The following ATAD3A variants were observed in gnomAD, a reference collection of about 807,000 sequenced individuals.
The protein encoded by ATAD3A is ATPase family AAA domain-containing protein 3A.
Under a neutral mutation model 73.8 loss-of-function variants are expected in ATAD3A, and 46 were observed. The ratio of observed to expected loss-of-function variants is 0.62; its 90% CI spans 0.49 to 0.80. The LOEUF is 0.80. ATAD3A is among the 30% of genes least tolerant of loss of function. ATAD3A has a pLI of 0.00. For missense variants in ATAD3A, 705 were observed against 838.0 expected (o/e 0.84, Z 1.96); for synonymous variants, 319 against 350.0 (o/e 0.91, Z 0.99).
In ATAD3A at chr1:1,517,199, A is replaced by G. The variant is rs1252254238; in HGVS notation, c.283-112A>G. 5 of 1,546,510 alleles carry G rather than the reference A, an allele frequency of 3.2e-6. 1 individual carries two copies. Among genetic ancestry groups the G allele is most frequent in the East Asian group, 2.5e-5 (1 of 39,766 alleles). ...TGGAAGCCCTGAGCCTGCTGCACACACTAGTCTGGGCATGGAGTCTCTGCC... is the reference window on the plus strand; with the variant it reads ...TGGAAGCCCTGAGCCTGCTGCACACGCTAGTCTGGGCATGGAGTCTCTGCC... On this transcript the variant is annotated intron_variant, in intron 2 of 15. Transcript: ENST00000378756.
At chr1:1,517,002 G>A (rs1254206489) in intron 2 of ATAD3A, 17 of 1,331,300 alleles carry the variant, frequency 1.3e-5, no homozygotes, top group Middle Eastern at 2.7e-4. Flanking sequence ...GAGAGCCGTC[G>A]CACCCGGTCC....
intron 12 of ATAD3A, 98 bp from the exon 13 acceptor site, chr1:1,526,363 C>G (rs1454722322): frequency 1.3e-5 from 20 of 1,566,178 alleles, no homozygotes; most frequent in Admixed American, 1.9e-5. Context: ...GTCGCCATGT[C>G]CCTGCTCCCT....
chr1:1,523,820 C>T lies in ATAD3A; in HGVS notation c.964-19C>T, dbSNP rs578171897. 2.5e-6 allele frequency: 4 copies of T among 1,613,790 alleles called. No homozygotes were observed. Among genetic ancestry groups the T allele is most frequent in the Admixed American group, 1.7e-5 (1 of 60,022 alleles). On this transcript the variant is annotated intron_variant, in intron 9 of 15. Transcript: ENST00000378756. This position sits in a 1 kb window ranked among gnomAD's most constrained non-coding sequence, Gnocchi z 5.1. ...ATGGGTGCACAGTGTCTCCTCCAAA[C>T]CCCCGTCTTCCCCGGCAGCCCAGCC...
At chr1:1,514,905 C>T (rs1166838091) in intron 1 of ATAD3A, among the ~76,000 whole-genome samples, 4 of 152,106 alleles carry the variant, frequency 2.6e-5, no homozygotes, top group Non-Finnish European at 4.4e-5. Flanking sequence ...ATGGAGTTGC[C>T]GTCCGTCGCC....
At chr1:1,518,614 C>T (rs1244861808) in intron 4 of ATAD3A, among the ~76,000 whole-genome samples, 18 of 105,332 alleles carry the variant, frequency 1.7e-4, no homozygotes, top group African/African-American at 1.0e-3. Flanking sequence ...CACACACGGG[C>T]GTACACACCC....
Position 1,523,861 on chromosome 1 carries a change from G to A in ATAD3A, c.986G>A (p.Arg329His), listed in dbSNP as rs1641699576. The stretch of plus-strand genomic sequence containing the variant: ...CAGCCCAGCCTGGAAGCACGGGTGC[G>A]CGACATCGCCATAGCAACAAGGAAC... Reference protein sequence around the residue: ...VLSPSLEARVRDIAIATRNTK... With the variant: ...VLSPSLEARVHDIAIATRNTK... Residue 329 changes from arginine to histidine, a missense_variant, in exon 10 of 16, where the codon CGC (arginine) becomes CAC (histidine). By Grantham distance (29) the Arg-to-His change is conservative (BLOSUM62 0). Transcript: ENST00000378756. This position sits in a 1 kb window ranked among gnomAD's most constrained non-coding sequence, Gnocchi z 5.1. 3.7e-6 allele frequency: 6 copies of A among 1,613,892 alleles called. No homozygotes were observed. The highest frequency in any genetic ancestry group is 1.3e-5 in the African/African-American group (1 of 74,926).
intron 13 of ATAD3A, chr1:1,527,264 C>A (rs1316068076): frequency 1.6e-6 from 2 of 1,266,598 alleles, no homozygotes; most frequent in Non-Finnish European, 1.0e-6. Context: ...TGGATGCTCC[C>A]TGGAGCCCTG....
At chr1:1,524,235 G>A in intron 10 of ATAD3A, 38 bp from the exon 11 acceptor site, 5 of 1,613,736 alleles carry the variant, frequency 3.1e-6, no homozygotes, top group Non-Finnish European at 3.4e-6. Flanking sequence ...GAGGCGGAGG[G>A]AACATCTGCT....
At position 1,523,737 on chromosome 1, in the gene ATAD3A, T is replaced by C; in HGVS notation, c.964-102T>C. On this transcript the variant is annotated intron_variant, in intron 9 of 15. Coordinates refer to ENST00000378756, the MANE Select transcript of ATAD3A (RefSeq NM_001170535.3). This position sits in a 1 kb window ranked among gnomAD's most constrained non-coding sequence, Gnocchi z 5.1. ...TAGGCTGCCCCTGAGGTGGGAGGCT[T>C]CCCGAGGAGCCGAGTCTGCACCCAG... The C allele has an allele frequency of 6.3e-7, 1 of 1,591,498 alleles. No individual in the cohort carries two copies.
At chr1:1,526,427 C>T (rs977477536) in intron 12 of ATAD3A, 34 bp from the exon 13 acceptor site, 8 of 1,585,190 alleles carry the variant, frequency 5.0e-6, no homozygotes, top group African/African-American at 1.3e-5. Context: ...AGGCTTTGCT[C>T]CTGGTGCCTA....
intron 7 of ATAD3A, among the ~76,000 whole-genome samples, chr1:1,521,944 G>A (rs1641614821): frequency 6.6e-6 from 1 of 152,310 alleles, no homozygotes; most frequent in Admixed American, 6.5e-5. Flanking sequence ...GGCCAGGCTG[G>A]TCACGAACTT....
At chr1:1,514,583 A>T (rs1244431258) in intron 1 of ATAD3A, among the ~76,000 whole-genome samples, 3 of 152,142 alleles carry the variant, frequency 2.0e-5, no homozygotes, top group Non-Finnish European at 1.5e-5. Flanking sequence ...GTTCGTGCCT[A>T]ACCACAGGCC....
chr1:1,527,328 A>G, intron 13 of ATAD3A: 1 of 1,107,888 alleles, frequency 9.0e-7, no homozygotes, highest in Non-Finnish European at 1.2e-6. Flanking sequence ...CCTCCAGTGA[A>G]CCCGGGCCCC....
Position 1,524,269 on chromosome 1 carries a change from C to G in ATAD3A, c.1090-4C>G, listed in dbSNP as rs1450957216. 2 of 1,613,844 alleles carry G rather than the reference C, an allele frequency of 1.2e-6. No homozygotes were observed. Among genetic ancestry groups the G allele is most frequent in the East Asian group, 2.2e-5 (1 of 44,896 alleles). ...CTCTGTCTCCCCTCACTCTTCCTGTCCAGAAACTCGCCCTGCACTCAGGCA... is the reference window on the plus strand; with the variant it reads ...CTCTGTCTCCCCTCACTCTTCCTGTGCAGAAACTCGCCCTGCACTCAGGCA... On this transcript the variant is annotated splice_polypyrimidine_tract_variant and splice_region_variant and intron_variant, in intron 10 of 15. Transcript: ENST00000378756.
rs1641689461 is a variant in ATAD3A, at chr1:1,523,633, G to T, written c.963+66G>T. 6.2e-7 allele frequency: 1 copy of T among 1,607,382 alleles called. No individual in the cohort carries two copies. The highest frequency in any genetic ancestry group is 1.3e-5 in the African/African-American group (1 of 74,720). ...GACCCTGGAGCTGGGCCGGGCTGTG[G>T]CCCTTGCTGGCGCTCGTGGTGGCAC... On this transcript the variant is annotated intron_variant, in intron 9 of 15. Coordinates refer to ENST00000378756, the MANE Select transcript of ATAD3A (RefSeq NM_001170535.3). This position sits in a 1 kb window ranked among gnomAD's most constrained non-coding sequence, Gnocchi z 5.1.
At chr1:1,529,045 G>A (rs1474272827) in intron 14 of ATAD3A, among the ~76,000 whole-genome samples, 178 bp from the exon 15 acceptor site, 1 of 152,268 alleles carries the variant, frequency 6.6e-6, no homozygotes, top group Non-Finnish European at 1.5e-5. Flanking sequence ...GCCACTCCCT[G>A]CTCAGTCCGG....
intron 5 of ATAD3A, among the ~76,000 whole-genome samples, 199 bp from the exon 6 acceptor site, chr1:1,519,942 G>C (rs539785398): frequency 6.6e-6 from 1 of 152,384 alleles, no homozygotes; most frequent in East Asian, 1.9e-4. Context: ...CCTGTCTGTG[G>C]CGTGGGCCTG....
intron 2 of ATAD3A, chr1:1,517,101 C>A (rs563771489): frequency 9.8e-6 from 15 of 1,533,378 alleles, no homozygotes; most frequent in African/African-American, 1.4e-5. Flanking sequence ...GGGGCCTTCG[C>A]GGGCTTCTGC....
intron 1 of ATAD3A, among the ~76,000 whole-genome samples, chr1:1,515,108 GTCTC>G (rs1175318219): frequency 3.3e-5 from 5 of 152,038 alleles, no homozygotes; most frequent in African/African-American, 4.8e-5. Flanking sequence ...TCTTTTTTAA[GTCTC>G]TCTCTGTCTA....
Sources: gnomAD v4.1 joint callset for allele counts (sites outside exome capture counted in the v4.1 genomes callset) on GRCh38, gnomAD v4.1.1 for gene constraint, Gnocchi (gnomAD v3.1) non-coding constraint, MANE v1.5 for transcripts, NCBI Gene and HGNC (gene_info 2026-07-23, HGNC 2026-07-21) for gene names.